TJP1: variants seen among roughly 807,000 people sequenced by gnomAD.
The protein encoded by TJP1 is tight junction protein 1, also known as tight junction protein ZO-1.
Under a neutral mutation model 194.2 loss-of-function variants are expected in TJP1, and 43 were observed. That is an observed-to-expected ratio of 0.22 (90% confidence interval 0.17 to 0.29). TJP1 has a LOEUF of 0.29. Among genes scored for constraint, TJP1 ranks in the 10% least tolerant of loss-of-function variants. The probability of loss-of-function intolerance (pLI) is 1.00; values close to 1 mark genes in which losing one functional copy is unlikely to be tolerated. For missense variants in TJP1, 1,971 were observed against 2,185.7 expected, an observed-to-expected ratio of 0.90 and a Z score of 1.96; for synonymous variants, 801 against 779.0, an observed-to-expected ratio of 1.03 and a Z score of -0.47.
intron 2 of TJP1, among the ~76,000 whole-genome samples, chr15:29,861,558 T>C (rs753185063): frequency 2.6e-5 from 4 of 152,258 alleles, no homozygotes; most frequent in Non-Finnish European, 4.4e-5. Flanking sequence ...CTGGCATCTT[T>C]TCATGTGCTT....
At chr15:29,936,522 C>T (rs978365831) in intron 2 of TJP1, among the ~76,000 whole-genome samples, 8 of 152,130 alleles carry the variant, frequency 5.3e-5, no homozygotes, top group African/African-American at 1.7e-4. Context: ...GGCCACCCGC[C>T]GGCTCTCCAA....
At chr15:29,762,283 C>G in intron 6 of TJP1, 52 bp downstream of exon 6, 1 of 1,477,082 alleles carries the variant, frequency 6.8e-7, no homozygotes. Flanking sequence ...CATGGTAACT[C>G]TAGAACTTGT....
Position 29,795,121 on chromosome 15 carries a change from T to C in TJP1, c.84+5525A>G, listed in dbSNP as rs557984657. 6.6e-5 allele frequency among the ~76,000 whole-genome samples: 10 copies of C among 152,184 alleles called. No homozygotes were observed. In the South Asian group the frequency reaches 8.3e-4, roughly 13 times the overall value. ...ACAACTTACATGATAAAGACAAATATTTTGAAAGACACAAACTACCAGTCA... is the reference window on the plus strand; with the variant it reads ...ACAACTTACATGATAAAGACAAATACTTTGAAAGACACAAACTACCAGTCA... On this transcript the variant is annotated intron_variant, in intron 2 of 27. Coordinates refer to ENST00000614355, the MANE Select transcript of TJP1 (RefSeq NM_001330239.4).
intron 8 of TJP1, among the ~76,000 whole-genome samples, chr15:29,745,019 AT>A (rs1249645682): frequency 3.3e-5 from 5 of 152,148 alleles, no homozygotes; most frequent in African/African-American, 1.2e-4. Flanking sequence ...ACAATTCATT[AT>A]TATGCACAAA....
chr15:29,940,805 A>C (rs1468524720), intron 2 of TJP1, among the ~76,000 whole-genome samples: 2 of 152,054 alleles, frequency 1.3e-5, no homozygotes, highest in Non-Finnish European at 2.9e-5. Context: ...ATATTTCTGT[A>C]TTTTTCAACC....
intron 8 of TJP1, among the ~76,000 whole-genome samples, chr15:29,751,124 GTC>G (rs1305197433): frequency 2.0e-5 from 3 of 152,134 alleles, no homozygotes; most frequent in Non-Finnish European, 4.4e-5. Context: ...TTAAAAAATG[GTC>G]TCTCTCTGCA....
chr15:29,729,559 C>CCT (rs1373626734), intron 15 of TJP1: 2 of 151,904 alleles, frequency 1.3e-5, no homozygotes, highest in Non-Finnish European at 2.9e-5. Flanking sequence ...GTGGCTCACG[C>CCT]CTGTAATCCC....
chr15:29,769,164 C>T (rs567311520), intron 4 of TJP1, among the ~76,000 whole-genome samples: 2 of 152,262 alleles, frequency 1.3e-5, no homozygotes, highest in South Asian at 4.1e-4. Flanking sequence ...ACAGAAAACA[C>T]TCTAGTATGA....
At chr15:29,821,595 G>A (rs1367727446) in intron 1 of TJP1, 2 of 152,308 alleles carry the variant, frequency 1.3e-5, no homozygotes, top group Non-Finnish European at 2.9e-5. Context: ...AGCAGCTCCC[G>A]GCCAGCAGGA....
intron 5 of TJP1, 27 bp downstream of exon 5, chr15:29,766,239 A>G: frequency 6.3e-7 from 1 of 1,589,012 alleles, no homozygotes; most frequent in South Asian, 1.1e-5. Flanking sequence ...TCATGTGAAA[A>G]AAACAGCAAG....
At chr15:29,949,353 C>T (rs2055450217) in intron 2 of TJP1, among the ~76,000 whole-genome samples, 1 of 141,368 alleles carries the variant, frequency 7.1e-6, no homozygotes. Flanking sequence ...ACCACCACCA[C>T]CTCCACCACA....
Position 29,741,253 on chromosome 15 carries a change from T to C in TJP1, c.1256+78A>G, listed in dbSNP as rs529963684. The stretch of plus-strand genomic sequence containing the variant: ...ACTATTTTAAAAAATATATGCAATA[T>C]GGTTTACAATTAAATTCCTACTCTG... On this transcript the variant is annotated intron_variant, in intron 10 of 27. Transcript: ENST00000614355. 3.3e-4 allele frequency: 342 copies of C among 1,049,706 alleles called. 1 individual carries two copies. The highest frequency in any genetic ancestry group is 7.2e-4 in the Admixed American group (27 of 37,708). The allele number at this position is 1,049,706 out of a possible 1,614,324, so 65.0% of individuals were successfully genotyped here.
At chr15:29,829,987 G>A (rs958957566) in intron 2 of TJP1, among the ~76,000 whole-genome samples, 6 of 150,080 alleles carry the variant, frequency 4.0e-5, no homozygotes, top group African/African-American at 1.5e-4. Context: ...TTTGGCTCTG[G>A]AAACAAAAAT....
intron 25 of TJP1, among the ~76,000 whole-genome samples, chr15:29,707,754 A>G (rs917541294): frequency 2.6e-5 from 4 of 152,234 alleles, no homozygotes. Flanking sequence ...GCTGCTCTTT[A>G]AACAGTCAGA....
chr15:29,884,452 C>T (rs972154217), intron 2 of TJP1, among the ~76,000 whole-genome samples: 1 of 152,090 alleles, frequency 6.6e-6, no homozygotes, highest in African/African-American at 2.4e-5. Flanking sequence ...TCTCTGTTGT[C>T]CTATCTTTTC....
intron 2 of TJP1, among the ~76,000 whole-genome samples, chr15:29,862,970 G>A (rs1327484213): frequency 6.6e-6 from 1 of 150,842 alleles, no homozygotes; most frequent in Non-Finnish European, 1.5e-5. Flanking sequence ...TTATAACAAG[G>A]CAATGACACC....
chr15:29,862,927 C>A (rs777814276), intron 2 of TJP1, among the ~76,000 whole-genome samples: 64 of 151,228 alleles, frequency 4.2e-4, no homozygotes, highest in Non-Finnish European at 6.5e-4. Flanking sequence ...GGATTACAGG[C>A]GTGAGCCACC....
intron 22 of TJP1, 136 bp from the exon 23 acceptor site, chr15:29,716,974 C>T (rs1376819063): frequency 1.3e-6 from 1 of 741,898 alleles, no homozygotes. Flanking sequence ...CTGAGCAGTC[C>T]CAACAGTTAA....
intron 8 of TJP1, among the ~76,000 whole-genome samples, chr15:29,754,380 T>G (rs141305295): frequency 6.6e-6 from 1 of 151,122 alleles, no homozygotes; most frequent in Non-Finnish European, 1.5e-5. Context: ...GGGGGGAGGG[T>G]AGGAGGAGGG....
Sources: gnomAD v4.1 joint callset for allele counts (sites outside exome capture counted in the v4.1 genomes callset) on GRCh38, gnomAD v4.1.1 for gene constraint, MANE v1.5 for transcripts, NCBI Gene and HGNC (gene_info 2026-07-23, HGNC 2026-07-21) for gene names.